The following IGF2R variants were observed in gnomAD, a reference collection of about 807,000 sequenced individuals.
IGF2R encodes the protein insulin like growth factor 2 receptor, also known as cation-independent mannose-6-phosphate receptor.
Under a neutral mutation model 270.6 loss-of-function variants are expected in IGF2R, and 91 were observed. That is an observed-to-expected ratio of 0.34 (90% CI 0.28 to 0.40). The LOEUF (loss-of-function observed/expected upper bound fraction) is 0.40, where lower values mean the gene tolerates loss of function less well. Ranked by LOEUF, IGF2R falls within the 10% of genes least tolerant of loss-of-function variation. The probability of loss-of-function intolerance (pLI) is 1.00; values close to 1 mark genes in which losing one functional copy is unlikely to be tolerated. For missense variants in IGF2R, 2,805 were observed against 3,188.3 expected, an observed-to-expected ratio of 0.88 and a Z score of 2.90; for synonymous variants, 1,316 against 1,258.9, an observed-to-expected ratio of 1.05 and a Z score of -0.96.
chr6:160,044,412 TTCTTTCTTTC>T (rs1283597312), intron 12 of IGF2R, 92 bp from the exon 13 acceptor site: 43 of 1,092,110 alleles, frequency 3.9e-5, no homozygotes, highest in Middle Eastern at 5.9e-4. Context: ...GCTGATTTCT[TTCTTTCTTTC>T]TCTTTCTTTC....
In IGF2R at chr6:160,047,182, G is replaced by A. The variant is rs1271975009; in HGVS notation, c.2075G>A (p.Gly692Asp). Residue 692 changes from glycine to aspartate, a missense_variant, in exon 16 of 48, where the codon GGT (glycine) becomes GAT (aspartate). Gly to Asp is a moderately conservative substitution (Grantham distance 94). Around this residue, in one of 2 missense-constraint regions of IGF2R, gnomAD observed 954 missense variants for 981.1 expected, o/e 0.97. Transcript: ENST00000356956. ...AKSDEKTWNLGLSNAKLSYYD... is the reference protein window; with the variant it reads ...AKSDEKTWNLDLSNAKLSYYD... ...AGTGATGAGAAGACTTGGAACTTGG[G>A]TCTGAGTAATGCGAAGCTTTCATAT... The A allele has an allele frequency of 6.2e-7, 1 of 1,614,028 alleles. No individual in the cohort carries two copies. The highest frequency in any genetic ancestry group is 8.5e-7 in the Non-Finnish European group (1 of 1,180,034).
At chr6:160,075,161 T>G (rs912545379) in intron 35 of IGF2R, among the ~76,000 whole-genome samples, 1 of 152,168 alleles carries the variant, frequency 6.6e-6, no homozygotes, top group Non-Finnish European at 1.5e-5. Context: ...ACATACACAG[T>G]TCCTGGCCAT....
chr6:160,069,758 TAGAA>T (rs1778673903), intron 30 of IGF2R, 106 bp from the exon 31 acceptor site: 1 of 946,000 alleles, frequency 1.1e-6, no homozygotes, highest in Admixed American at 2.6e-5. Context: ...AAGTGACTCT[TAGAA>T]AGCGTATGAA....
In IGF2R at chr6:160,050,281, A is replaced by C. The variant is rs1202601547; in HGVS notation, c.2515-192A>C. Reference sequence around the variant, plus strand: ...GTGCTCAATTGCATGCCTGGAACGCAGCATGCAGTTGTTGTTAACTCTTTG... The same window carrying C: ...GTGCTCAATTGCATGCCTGGAACGCCGCATGCAGTTGTTGTTAACTCTTTG... On this transcript the variant is annotated intron_variant, in intron 18 of 47. Transcript: ENST00000356956. The surrounding 1 kb of genome is among the most constrained non-coding windows in gnomAD (Gnocchi z 4.0). Among the ~76,000 whole-genome samples, 1 of 152,200 alleles carries C rather than the reference A, an allele frequency of 6.6e-6. No individual in the cohort carries two copies. The highest frequency in any genetic ancestry group is 2.4e-5 in the African/African-American group (1 of 41,452).
intron 1 of IGF2R, 58 bp downstream of exon 1, chr6:159,969,453 G>C: frequency 8.7e-7 from 1 of 1,143,754 alleles, no homozygotes; most frequent in Non-Finnish European, 1.1e-6. Context: ...AGCGGCCGGC[G>C]TGGGGGGCGG....
chr6:160,010,681 T>A lies in IGF2R; in HGVS notation c.415-6T>A, dbSNP rs1377597000. 16 of 1,531,196 alleles carry A rather than the reference T, an allele frequency of 1.0e-5. No individual in the cohort carries two copies. The highest frequency in any genetic ancestry group is 1.7e-4 in the Middle Eastern group (1 of 5,916). 94.9% of individuals were successfully genotyped at this position (1,531,196 alleles called of 1,614,324 possible). On this transcript the variant is annotated splice_region_variant and splice_polypyrimidine_tract_variant and intron_variant, in intron 3 of 47. Transcript: ENST00000356956. ...TAACATTATAATTACTATTTTTTTT[T>A]AATAGGGAACTCCTGAATTTGTAAC...
chr6:160,082,200 G>A (rs887372489), intron 39 of IGF2R, among the ~76,000 whole-genome samples: 14 of 152,168 alleles, frequency 9.2e-5, no homozygotes, highest in Admixed American at 2.6e-4. Context: ...TTAAATTTAC[G>A]AAGGATTGCT....
chr6:160,048,117 G>A (rs648253), intron 17 of IGF2R, among the ~76,000 whole-genome samples: 83,093 of 152,052 alleles, frequency 0.55, 23,088 homozygotes, highest in East Asian at 0.65. Context: ...GCAGAGCCTC[G>A]GCCTTTAGCT....
intron 2 of IGF2R, among the ~76,000 whole-genome samples, chr6:159,991,977 C>T (rs1400969736): frequency 6.6e-6 from 1 of 152,092 alleles, no homozygotes; most frequent in Non-Finnish European, 1.5e-5. Context: ...AGGGCAGATG[C>T]CTGAAGGAAG....
chr6:159,970,015 T>C (rs1157371204), intron 1 of IGF2R, among the ~76,000 whole-genome samples: 2 of 152,082 alleles, frequency 1.3e-5, no homozygotes, highest in African/African-American at 2.4e-5. Flanking sequence ...TGTCGTCCAG[T>C]GTGAGCTTTC....
chr6:160,090,008 C>A lies in IGF2R; in HGVS notation c.6560C>A (p.Ala2187Glu), dbSNP rs201372819. The part of the protein sequence containing the change: ...LSSITSSRNP[A>E]CSGANICQVK... ...TCCATCACAAGCTCCAGAAACCCGG[C>A]GTGCTCTGGAGCCAACATATGCCAG... Residue 2187 changes from alanine to glutamate, a missense_variant, in exon 44 of 48, where the codon GCG (alanine) becomes GAG (glutamate). Coordinates refer to ENST00000356956, the MANE Select transcript of IGF2R (RefSeq NM_000876.4). The A allele has an allele frequency of 2.5e-6, 4 of 1,606,262 alleles. No individual in the cohort carries two copies. Among genetic ancestry groups the A allele is most frequent in the Non-Finnish European group, 3.4e-6 (4 of 1,176,466 alleles).
Position 160,084,006 on chromosome 6 carries a change from G to A in IGF2R, c.5890G>A (p.Gly1964Arg). ...TAAGTGTGATGAAGATGAGGACATT[G>A]GGAGGCCACAAGTCTTCAGTGAAGT... is the stretch of plus-strand genomic sequence containing the variant. ...IFKCDEDEDI[G>R]RPQVFSEVRG... is the part of the protein sequence containing the mutation. Residue 1964 changes from glycine to arginine, a missense_variant, in exon 40 of 48, where the codon GGG (glycine) becomes AGG (arginine). Coordinates refer to ENST00000356956, the MANE Select transcript of IGF2R (RefSeq NM_000876.4). The surrounding 1 kb of genome is among the most constrained non-coding windows in gnomAD (Gnocchi z 4.6). 1 of 1,614,142 alleles carries A rather than the reference G, an allele frequency of 6.2e-7. No individual in the cohort carries two copies. Among genetic ancestry groups the A allele is most frequent in the East Asian group, 2.2e-5 (1 of 44,888 alleles).
chr6:160,056,948 G>A (rs1170996500), intron 20 of IGF2R, among the ~76,000 whole-genome samples: 7 of 152,182 alleles, frequency 4.6e-5, no homozygotes, highest in African/African-American at 1.7e-4. Context: ...AGCACAGCCT[G>A]CAGGTGTTAA....
Position 160,107,109 on chromosome 6 carries a change from A to G in IGF2R, c.*2025A>G, listed in dbSNP as rs1779638519. The G allele has an allele frequency of 6.6e-6, 1 of 152,224 alleles. No individual in the cohort carries two copies. The highest frequency in any genetic ancestry group is 1.5e-5 in the Non-Finnish European group (1 of 68,042). The allele number at this position is 152,224 out of a possible 1,614,324, so 9.4% of individuals were successfully genotyped here. On this transcript the variant is annotated 3_prime_UTR_variant, in exon 48 of 48. Coordinates refer to ENST00000356956, the MANE Select transcript of IGF2R (RefSeq NM_000876.4). ...TATCCAATTGGAGTTACCTTTTTAA[A>G]AAAGTTATTCTTAAGGACTTTCCAA...
At chr6:160,064,004 C>T (rs992887985) in intron 27 of IGF2R, among the ~76,000 whole-genome samples, 3 of 152,226 alleles carry the variant, frequency 2.0e-5, no homozygotes, top group African/African-American at 4.8e-5. Context: ...GTAGAAATTA[C>T]AGGGCACGCT....
chr6:160,058,688 A>G (rs542330856), intron 21 of IGF2R, among the ~76,000 whole-genome samples: 2 of 152,340 alleles, frequency 1.3e-5, no homozygotes, highest in Admixed American at 6.5e-5. Context: ...ATGAATTTAA[A>G]TGATGTATAG....
chr6:160,080,052 G>A, intron 38 of IGF2R, 77 bp from the exon 39 acceptor site: 1 of 1,532,910 alleles, frequency 6.5e-7, no homozygotes, highest in East Asian at 2.3e-5. Flanking sequence ...CTTCCTTAGG[G>A]ACTGCTGCTG....
intron 1 of IGF2R, among the ~76,000 whole-genome samples, chr6:159,977,538 G>T (rs1296760817): frequency 6.6e-6 from 1 of 152,242 alleles, no homozygotes; most frequent in Non-Finnish European, 1.5e-5. Context: ...ATTGCTGCTG[G>T]CAGCGTGTGG....
rs1478103364 is a variant in IGF2R, at chr6:160,096,470, C to G, written c.6687C>G (p.Ser2229=). Residue 2229 remains serine, a synonymous_variant, in exon 45 of 48, where the codon TCC becomes TCG. Coordinates refer to ENST00000356956, the MANE Select transcript of IGF2R (RefSeq NM_000876.4). ...ATCTCGATGTCGTGTTTGCCTCTTC[C>G]TCTAAGTGCGGAAAGGATAAGACCA... The part of the protein sequence containing the change: ...DGDLDVVFAS[S]SKCGKDKTKS... 3.1e-6 allele frequency: 5 copies of G among 1,613,300 alleles called. No individual in the cohort carries two copies. The highest frequency in any genetic ancestry group is 2.7e-5 in the African/African-American group (2 of 74,926).
Sources: allele counts gnomAD v4.1 joint callset (sites outside exome capture counted in the v4.1 genomes callset), GRCh38; gene constraint gnomAD v4.1.1; regional missense constraint gnomAD v4.1.1; non-coding constraint Gnocchi (gnomAD v3.1); transcripts MANE v1.5; gene names NCBI Gene and HGNC (gene_info 2026-07-23, HGNC 2026-07-21).